IGSF10: variants seen among roughly 807,000 people sequenced by gnomAD.
IGSF10 encodes the protein immunoglobulin superfamily member 10.
Under a neutral mutation model 128.2 loss-of-function variants are expected in IGSF10, and 126 were observed. The observed-to-expected ratio is 0.98, with a 90% CI of 0.85 to 1.14. The LOEUF (loss-of-function observed/expected upper bound fraction) is 1.14, where lower values mean the gene tolerates loss of function less well. Among genes scored for constraint, IGSF10 ranks in the 50% most tolerant of loss-of-function variants. The pLI is 0.00. For missense variants in IGSF10, 3,295 were observed against 3,149.8 expected, an observed-to-expected ratio of 1.05 and a Z score of -1.10; for synonymous variants, 1,185 against 1,146.2, an observed-to-expected ratio of 1.03 and a Z score of -0.68.
chr3:151,438,600 A>G lies in IGSF10; in HGVS notation c.5964-3T>C. On this transcript the variant is annotated splice_polypyrimidine_tract_variant and splice_region_variant and intron_variant, in intron 7 of 7. Transcript: ENST00000282466. ...AGACGTGGATCCAGCTGCCCACTCT[A>G]AGGAGAAAAGAGATTCATTTGAGTG... 6.2e-7 allele frequency: 1 copy of G among 1,605,172 alleles called. No individual in the cohort carries two copies. The highest frequency in any genetic ancestry group is 8.5e-7 in the Non-Finnish European group (1 of 1,174,552).
At chr3:151,528,272 A>C in the IGSF10 span, among the ~76,000 whole-genome samples, 7 of 152,204 alleles carry the variant, frequency 4.6e-5, no homozygotes, top group Non-Finnish European at 8.8e-5. Flanking sequence ...TGTCATTCAT[A>C]ATTTTATTCT....
chr3:151,467,745 G>A, the IGSF10 span, among the ~76,000 whole-genome samples: 6 of 152,050 alleles, frequency 3.9e-5, no homozygotes, highest in East Asian at 1.9e-4. Context: ...TTAGCCGGGC[G>A]AGGTGGCGGG....
the IGSF10 span, among the ~76,000 whole-genome samples, chr3:151,514,416 T>C: frequency 6.6e-6 from 1 of 152,212 alleles, no homozygotes; most frequent in Non-Finnish European, 1.5e-5. Context: ...TGGCTAGCCA[T>C]ATGTAAAAAG....
the IGSF10 span, among the ~76,000 whole-genome samples, chr3:151,596,613 T>C: frequency 1.3e-5 from 2 of 152,138 alleles, no homozygotes; most frequent in African/African-American, 2.4e-5. Context: ...GACGCCTTCT[T>C]TCTATTCCCA....
intron 2 of IGSF10, 132 bp from the exon 3 acceptor site, chr3:151,458,842 G>T: frequency 1.5e-6 from 1 of 661,106 alleles, no homozygotes; most frequent in Non-Finnish European, 2.6e-6. Context: ...CCTACCCTTT[G>T]TGGTCATATG....
In IGSF10 at chr3:151,458,431, C is replaced by G. The variant is rs1192467373; in HGVS notation, c.194+85G>C. The G allele has an allele frequency of 6.3e-6, 6 of 951,218 alleles. No individual in the cohort carries two copies. The African/African-American group carries it at 1.0e-4, about 16-fold the overall frequency. 58.9% of individuals were successfully genotyped at this position (951,218 alleles called of 1,614,324 possible). A position where few individuals can be genotyped will look rare whatever the true frequency, so the allele number is the denominator to read the frequency against. On this transcript the variant is annotated intron_variant, in intron 3 of 7. Coordinates refer to ENST00000282466, the MANE Select transcript of IGSF10 (RefSeq NM_178822.5). The stretch of plus-strand genomic sequence containing the variant: ...TATTGTTAAAACAATTGAGATTCAT[C>G]TCCCAAAGTCATAGATGTTTGAGGG...
chr3:151,501,830 T>A, the IGSF10 span, among the ~76,000 whole-genome samples: 14 of 152,132 alleles, frequency 9.2e-5, no homozygotes, highest in Non-Finnish European at 2.1e-4. Flanking sequence ...GTTTATACAA[T>A]ATCAACATTG....
chr3:151,444,732 T>A (rs1161516871), intron 6 of IGSF10, among the ~76,000 whole-genome samples, 187 bp downstream of exon 6: 1 of 152,234 alleles, frequency 6.6e-6, no homozygotes, highest in Non-Finnish European at 1.5e-5. Context: ...AAAATGTTCT[T>A]AGTTAACATA....
chr3:151,473,748 A>C, the IGSF10 span, among the ~76,000 whole-genome samples: 1 of 151,986 alleles, frequency 6.6e-6, no homozygotes, highest in African/African-American at 2.4e-5. Flanking sequence ...AGCCCTGAGG[A>C]TCTATATTGG....
chr3:151,562,781 C>G, the IGSF10 span, among the ~76,000 whole-genome samples: 1 of 152,018 alleles, frequency 6.6e-6, no homozygotes, highest in Non-Finnish European at 1.5e-5. Context: ...TGCACCATGT[C>G]CAAGAGCCCA....
chr3:151,486,036 G>A, the IGSF10 span, among the ~76,000 whole-genome samples: 1 of 152,184 alleles, frequency 6.6e-6, no homozygotes, highest in South Asian at 2.1e-4. Context: ...ACCCATCGGT[G>A]TGTTGTATTC....
chr3:151,481,851 C>T, the IGSF10 span, among the ~76,000 whole-genome samples: 3 of 152,202 alleles, frequency 2.0e-5, no homozygotes, highest in South Asian at 6.2e-4. Context: ...TCTTAAAGTC[C>T]TTACCCTAAT....
the IGSF10 span, among the ~76,000 whole-genome samples, chr3:151,537,162 C>G: frequency 6.6e-6 from 1 of 152,070 alleles, no homozygotes; most frequent in Non-Finnish European, 1.5e-5. Context: ...AAGTTGGGCA[C>G]ATTAGTATTT....
chr3:151,567,703 G>C, the IGSF10 span, among the ~76,000 whole-genome samples: 1 of 152,106 alleles, frequency 6.6e-6, no homozygotes, highest in Non-Finnish European at 1.5e-5. Flanking sequence ...CCCAGGGCGA[G>C]GTGCTAGACA....
chr3:151,525,364 A>G, the IGSF10 span, among the ~76,000 whole-genome samples: 1 of 152,172 alleles, frequency 6.6e-6, no homozygotes, highest in South Asian at 2.1e-4. Context: ...CACAAAAAAT[A>G]CTATTTAAGA....
At chr3:151,549,071 A>AG in the IGSF10 span, among the ~76,000 whole-genome samples, 2 of 151,982 alleles carry the variant, frequency 1.3e-5, no homozygotes, top group Non-Finnish European at 2.9e-5. Context: ...GTTGCATAAA[A>AG]GCTGCTTTTA....
chr3:151,578,849 G>A, the IGSF10 span, among the ~76,000 whole-genome samples: 5 of 152,182 alleles, frequency 3.3e-5, no homozygotes, highest in South Asian at 8.3e-4. Context: ...ACTACTGCTG[G>A]TCAAGAGGCA....
At chr3:151,435,187 A>T (rs1459872014), downstream of IGSF10, 2 of 147,192 alleles carry the variant, frequency 1.4e-5, no homozygotes, top group Non-Finnish European at 3.0e-5. Context: ...TTAGAATAAG[A>T]TGGAGCGAGA....
At chr3:151,578,947 C>T in the IGSF10 span, among the ~76,000 whole-genome samples, 2 of 152,116 alleles carry the variant, frequency 1.3e-5, no homozygotes, top group Non-Finnish European at 2.9e-5. Flanking sequence ...AATGTTTCCA[C>T]CTACTACTAC....
Sources: allele counts gnomAD v4.1 joint callset (sites outside exome capture counted in the v4.1 genomes callset), GRCh38; gene constraint gnomAD v4.1.1; transcripts MANE v1.5; gene names NCBI Gene and HGNC (gene_info 2026-07-23, HGNC 2026-07-21).